LRBA: variants seen among roughly 807,000 people sequenced by gnomAD.
LRBA encodes lipopolysaccharide-responsive and beige-like anchor protein.
A neutral mutation model predicts 330.0 loss-of-function variants in LRBA; 176 were observed. The observed-to-expected ratio is 0.53, with a 90% CI of 0.47 to 0.60. LRBA has a LOEUF of 0.60. LRBA is among the 20% of genes least tolerant of loss of function. The pLI is 0.00. For missense variants in LRBA, 3,259 were observed against 3,444.8 expected, an observed-to-expected ratio of 0.95 and a Z score of 1.35; for synonymous variants, 1,230 against 1,193.0, an observed-to-expected ratio of 1.03 and a Z score of -0.64.
chr4:150,411,448 G>T (rs1746985265), intron 47 of LRBA, among the ~76,000 whole-genome samples: 1 of 152,136 alleles, frequency 6.6e-6, no homozygotes, highest in Admixed American at 6.6e-5. Context: ...ATCTTAAAAT[G>T]AGTATGTCAG....
chr4:150,750,633 A>G (rs1276746127), intron 35 of LRBA, among the ~76,000 whole-genome samples: 4 of 151,950 alleles, frequency 2.6e-5, no homozygotes, highest in Non-Finnish European at 1.5e-5. Flanking sequence ...GGATCATGCT[A>G]TGTTGCTCAG....
At chr4:150,791,253 C>A (rs2126642006) in intron 34 of LRBA, among the ~76,000 whole-genome samples, 1 of 152,242 alleles carries the variant, frequency 6.6e-6, no homozygotes, top group African/African-American at 2.4e-5. Flanking sequence ...CTGGGCAGAA[C>A]ACCTACTATT....
At chr4:150,310,554 G>T (rs961412699) in intron 51 of LRBA, 170 bp from the exon 52 acceptor site, 3 of 502,504 alleles carry the variant, frequency 6.0e-6, no homozygotes, top group Non-Finnish European at 1.0e-5. Context: ...GAAAAATGTG[G>T]GTAGCTAAAT....
chr4:150,477,969 G>A (rs534005752), intron 42 of LRBA, among the ~76,000 whole-genome samples: 1 of 152,080 alleles, frequency 6.6e-6, no homozygotes, highest in Middle Eastern at 3.4e-3. Context: ...TAATACACTT[G>A]GCATCATATT....
At chr4:150,661,522 A>T (rs1447121442) in intron 37 of LRBA, among the ~76,000 whole-genome samples, 1 of 152,032 alleles carries the variant, frequency 6.6e-6, no homozygotes, top group Non-Finnish European at 1.5e-5. Context: ...CAAATAAAAA[A>T]AACTTTTATG....
At chr4:150,784,353 CT>C (rs1345841219) in intron 34 of LRBA, among the ~76,000 whole-genome samples, 4 of 152,182 alleles carry the variant, frequency 2.6e-5, no homozygotes, top group Non-Finnish European at 4.4e-5. Context: ...TGATGGCAAC[CT>C]TTGATATGCA....
intron 34 of LRBA, among the ~76,000 whole-genome samples, chr4:150,774,083 T>C (rs1321359534): frequency 6.6e-6 from 1 of 152,198 alleles, no homozygotes; most frequent in Admixed American, 6.5e-5. Context: ...CATCTTTCTA[T>C]CTTAGAAAAA....
At chr4:150,996,844 T>C (rs945159483) in intron 2 of LRBA, among the ~76,000 whole-genome samples, 6 of 152,288 alleles carry the variant, frequency 3.9e-5, no homozygotes, top group Admixed American at 2.0e-4. Flanking sequence ...TTGAGCATCA[T>C]TGACCACTCC....
chr4:150,903,537 G>A (rs550000983), intron 13 of LRBA, among the ~76,000 whole-genome samples: 3 of 152,066 alleles, frequency 2.0e-5, no homozygotes, highest in Admixed American at 6.5e-5. Flanking sequence ...CCAGGAGTTC[G>A]AGACCAGCCT....
intron 40 of LRBA, among the ~76,000 whole-genome samples, chr4:150,574,058 C>T (rs979682536): frequency 2.2e-4 from 34 of 151,910 alleles, no homozygotes; most frequent in Admixed American, 1.6e-3. Context: ...ATTGACAGTC[C>T]ATTAAATATT....
At chr4:150,384,951 C>T (rs924759859) in intron 47 of LRBA, among the ~76,000 whole-genome samples, 3 of 151,830 alleles carry the variant, frequency 2.0e-5, no homozygotes, top group African/African-American at 4.8e-5. Flanking sequence ...GTTCTTGATC[C>T]CCCAATTCAT....
rs138461179 is a variant in LRBA, at chr4:150,754,799, T to C, written c.5645+6984A>G. On this transcript the variant is annotated intron_variant, in intron 35 of 56. Coordinates refer to ENST00000651943, the MANE Select transcript of LRBA (RefSeq NM_001364905.1). ...ATTTAATTGGAGTTTTTCTATAAAG[T>C]ATCTTCCCACATATATAATTTTAAA... 6.6e-3 allele frequency among the ~76,000 whole-genome samples: 998 copies of C among 152,264 alleles called. 39 individuals are homozygous for C. The highest frequency in any genetic ancestry group is 0.055 in the Admixed American group (838 of 15,278).
intron 36 of LRBA, among the ~76,000 whole-genome samples, chr4:150,727,201 G>A (rs1055767516): frequency 6.7e-6 from 1 of 150,216 alleles, no homozygotes; most frequent in Non-Finnish European, 1.5e-5. Context: ...AGCCTCCTGA[G>A]CAGCTGGGAT....
rs77749891 is a variant in LRBA at position 150,430,829 on chromosome 4, G to C, written c.7041+4760C>G. On this transcript the variant is annotated intron_variant, in intron 46 of 56. Transcript: ENST00000651943. ...CCATTCCAAAGTAATGAACTGGGATGACATTTATGATTCCTTCTATGTTCT... is the reference window on the plus strand; with the variant it reads ...CCATTCCAAAGTAATGAACTGGGATCACATTTATGATTCCTTCTATGTTCT... Among the ~76,000 whole-genome samples, 177 of 152,216 alleles carry C rather than the reference G, an allele frequency of 1.2e-3. 5 individuals are homozygous for C. The East Asian group carries it at 0.026, about 23-fold the overall frequency.
intron 40 of LRBA, among the ~76,000 whole-genome samples, chr4:150,525,908 GAAGA>G (rs1380725922): frequency 2.0e-5 from 3 of 151,746 alleles, no homozygotes; most frequent in African/African-American, 4.8e-5. Context: ...CTTGCTATTA[GAAGA>G]AAGAAGTAAA....
chr4:150,517,892 A>G (rs1314638148), intron 40 of LRBA, among the ~76,000 whole-genome samples: 1 of 152,160 alleles, frequency 6.6e-6, no homozygotes, highest in African/African-American at 2.4e-5. Context: ...CCGCCCACAA[A>G]TGCAATGCTT....
intron 37 of LRBA, among the ~76,000 whole-genome samples, chr4:150,603,262 AT>A (rs199522086): frequency 0.012 from 1,884 of 152,204 alleles, 31 homozygotes; most frequent in African/African-American, 0.043. Context: ...AAATATTATA[AT>A]CTTTCTAATT....
chr4:150,486,432 G>C (rs897992448), intron 42 of LRBA, among the ~76,000 whole-genome samples: 2 of 151,342 alleles, frequency 1.3e-5, no homozygotes, highest in African/African-American at 2.4e-5. Flanking sequence ...CATAAAACTT[G>C]AAAGAAAAAA....
chr4:150,556,092 T>A (rs1003082651), intron 40 of LRBA, among the ~76,000 whole-genome samples: 1 of 151,972 alleles, frequency 6.6e-6, no homozygotes, highest in African/African-American at 2.4e-5. Flanking sequence ...TATGAGCCAC[T>A]GTGCTCAGCC....
Sources: gnomAD v4.1 joint callset for allele counts (sites outside exome capture counted in the v4.1 genomes callset) on GRCh38, gnomAD v4.1.1 for gene constraint, MANE v1.5 for transcripts, NCBI Gene and HGNC (gene_info 2026-07-23, HGNC 2026-07-21) for gene names.